The following ARHGEF28 variants were observed in gnomAD, a reference collection of about 807,000 sequenced individuals.
The protein encoded by ARHGEF28 is 190 kDa guanine nucleotide exchange factor.
ARHGEF28 carries 152 observed loss-of-function variants against 206.6 expected under a neutral mutation model. The ratio of observed to expected loss-of-function variants is 0.74; its 90% CI spans 0.64 to 0.84. The LOEUF is 0.84. Among genes scored for constraint, ARHGEF28 ranks in the 40% least tolerant of loss-of-function variants. The pLI is 0.00. For missense variants in ARHGEF28, 2,028 were observed against 2,073.2 expected (o/e 0.98, Z 0.42); for synonymous variants, 763 against 776.4 (o/e 0.98, Z 0.29).
At chr5:73,893,118 A>C in intron 27 of ARHGEF28, 79 bp from the exon 28 acceptor site, 4 of 1,188,354 alleles carry the variant, frequency 3.4e-6, no homozygotes, top group Non-Finnish European at 4.6e-6. Flanking sequence ...TCTATTGCCA[A>C]GTTCCCATGT....
Position 73,909,901 on chromosome 5 carries a change from T to C in ARHGEF28, c.4647+4T>C. 6.7e-7 allele frequency: 1 copy of C among 1,498,420 alleles called. No individual in the cohort carries two copies. The highest frequency in any genetic ancestry group is 2.3e-5 in the East Asian group (1 of 43,612). The allele number at this position is 1,498,420 out of a possible 1,614,324, so 92.8% of individuals were successfully genotyped here. ...GCTCCTTCCGGGTGGCCCCGAGGTA[T>C]GGACCTTCTGCGGTGCTGTGAGGCA... On this transcript the variant is annotated splice_donor_region_variant and intron_variant, in intron 34 of 35. Transcript: ENST00000513042.
rs373373038 is a variant in ARHGEF28 at position 73,867,659 on chromosome 5, C to T, written c.2153-217C>T. Among the ~76,000 whole-genome samples, 20 of 152,274 alleles carry T rather than the reference C, an allele frequency of 1.3e-4. No homozygotes were observed. In the South Asian group the frequency reaches 3.3e-3, roughly 25 times the overall value. ...CACCCACAGTCTCCAAGTGGAGATG[C>T]GGAAGCAGGCCTGCAGCATGGGTGT... On this transcript the variant is annotated intron_variant, in intron 18 of 35. Coordinates refer to ENST00000513042, the MANE Select transcript of ARHGEF28 (RefSeq NM_001177693.2).
intron 7 of ARHGEF28, chr5:73,786,309 A>T (rs909970537): frequency 5.3e-5 from 8 of 152,184 alleles, no homozygotes. Flanking sequence ...CAGAAAAGTT[A>T]TGTAACTTAC....
At chr5:73,682,476 G>A (rs1373893876) in intron 1 of ARHGEF28, among the ~76,000 whole-genome samples, 1 of 147,638 alleles carries the variant, frequency 6.8e-6, no homozygotes, top group Admixed American at 6.8e-5. Context: ...GGAGTACAAT[G>A]GCACAATCTG....
chr5:73,894,698 TCGG>T, intron 29 of ARHGEF28, 123 bp downstream of exon 29: 1 of 1,187,880 alleles, frequency 8.4e-7, no homozygotes, highest in East Asian at 2.6e-5. Flanking sequence ...AGGTCCTTAC[TCGG>T]CTGGAACTTA....
chr5:73,702,039 G>A (rs947330966), intron 2 of ARHGEF28, among the ~76,000 whole-genome samples: 22 of 152,188 alleles, frequency 1.4e-4, no homozygotes, highest in South Asian at 4.1e-4. Context: ...TGATTGCTGG[G>A]TCGTATAGTA....
intron 25 of ARHGEF28, among the ~76,000 whole-genome samples, chr5:73,886,533 A>G (rs1761310415): frequency 6.6e-6 from 1 of 152,234 alleles, no homozygotes. Flanking sequence ...CATCTTTGTT[A>G]CTGACTAATA....
At chr5:73,885,318 A>T (rs1396838371) in intron 24 of ARHGEF28, among the ~76,000 whole-genome samples, 1 of 152,102 alleles carries the variant, frequency 6.6e-6, no homozygotes, top group East Asian at 1.9e-4. Flanking sequence ...TGCCCTAGGG[A>T]GAAGGTCAGA....
intron 22 of ARHGEF28, among the ~76,000 whole-genome samples, chr5:73,877,686 A>C (rs1580028691): frequency 3.4e-5 from 5 of 147,338 alleles, no homozygotes; most frequent in East Asian, 2.0e-4. Flanking sequence ...TGTACCCAGT[A>C]GTCATTCAGG....
intron 9 of ARHGEF28, among the ~76,000 whole-genome samples, chr5:73,822,089 TAGGACTCTTTTTA>T (rs1011461858): frequency 1.3e-5 from 2 of 152,184 alleles, no homozygotes; most frequent in African/African-American, 4.8e-5. Context: ...AACAGTAGAA[TAGGACTCTTTTTA>T]AGGATCTGGT....
intron 26 of ARHGEF28, 106 bp from the exon 27 acceptor site, chr5:73,891,946 T>G (rs1286144170): frequency 1.0e-6 from 1 of 970,344 alleles, no homozygotes; most frequent in Non-Finnish European, 1.5e-6. Flanking sequence ...AGATTGGAAG[T>G]GGAGAAAGGT....
chr5:73,741,672 A>G (rs1252511374), intron 2 of ARHGEF28, among the ~76,000 whole-genome samples: 3 of 151,456 alleles, frequency 2.0e-5, no homozygotes, highest in Non-Finnish European at 4.4e-5. Context: ...ACCTGCCTCA[A>G]CCTTCCAAAA....
chr5:73,695,076 G>A (rs1040650401), intron 2 of ARHGEF28, among the ~76,000 whole-genome samples: 1 of 152,148 alleles, frequency 6.6e-6, no homozygotes, highest in East Asian at 1.9e-4. Context: ...AAGCACGAAG[G>A]CCCTGGAGTG....
chr5:73,751,681 A>G (rs1488825525), intron 3 of ARHGEF28, among the ~76,000 whole-genome samples: 2 of 152,012 alleles, frequency 1.3e-5, no homozygotes, highest in African/African-American at 4.8e-5. Flanking sequence ...GGAAGGTAAT[A>G]TAATCTTTTG....
At chr5:73,678,813 G>A (rs1051621188) in intron 1 of ARHGEF28, among the ~76,000 whole-genome samples, 3 of 152,020 alleles carry the variant, frequency 2.0e-5, no homozygotes, top group Admixed American at 6.6e-5. Context: ...AAAAAGGGGG[G>A]GAGTTAGCAT....
chr5:73,771,395 A>G (rs1405493831), intron 4 of ARHGEF28, among the ~76,000 whole-genome samples: 1 of 152,104 alleles, frequency 6.6e-6, no homozygotes. Context: ...TAAAAATACA[A>G]AAATTAGCTG....
At chr5:73,746,523 CA>C (rs1169977946) in intron 2 of ARHGEF28, among the ~76,000 whole-genome samples, 2 of 148,614 alleles carry the variant, frequency 1.3e-5, no homozygotes, top group Non-Finnish European at 3.0e-5. Flanking sequence ...AGGATCATGT[CA>C]ATGCAGATGA....
intron 1 of ARHGEF28, among the ~76,000 whole-genome samples, chr5:73,681,763 C>G (rs547436657): frequency 5.5e-4 from 84 of 151,966 alleles, no homozygotes; most frequent in Middle Eastern, 3.4e-3. Context: ...TGCAGTGAGC[C>G]AAAATCATGC....
intron 2 of ARHGEF28, among the ~76,000 whole-genome samples, chr5:73,741,415 A>G (rs1158294723): frequency 8.0e-4 from 31 of 38,736 alleles, no homozygotes; most frequent in African/African-American, 1.3e-3. Flanking sequence ...ATATATATAT[A>G]TATATATATA....
Sources: gnomAD v4.1 joint callset for allele counts (sites outside exome capture counted in the v4.1 genomes callset) on GRCh38, gnomAD v4.1.1 for gene constraint, MANE v1.5 for transcripts, NCBI Gene and HGNC (gene_info 2026-07-23, HGNC 2026-07-21) for gene names.